SLC35F4: variants seen among roughly 807,000 people sequenced by gnomAD.
SLC35F4 encodes chromosome 14 open reading frame 36.
In SLC35F4, 24 loss-of-function variants were observed where a neutral mutation model predicts 44.2. The observed-to-expected ratio is 0.54, with a 90% confidence interval of 0.39 to 0.76. The LOEUF is 0.76. SLC35F4 is among the 30% of genes least tolerant of loss of function. The pLI, the probability that SLC35F4 is intolerant of heterozygous loss-of-function variation, is 0.00. For missense variants in SLC35F4, 562 were observed against 586.1 expected (o/e 0.96, Z 0.42); for synonymous variants, 238 against 223.6 (o/e 1.06, Z -0.57).
chr14:57,820,489 A>T (rs986335428), intron 1 of SLC35F4, among the ~76,000 whole-genome samples: 3 of 152,250 alleles, frequency 2.0e-5, no homozygotes, highest in Admixed American at 1.3e-4. Context: ...AATGCAAGAC[A>T]CATTTCTCAC....
At chr14:57,573,464 G>C (rs149259434) in intron 4 of SLC35F4, among the ~76,000 whole-genome samples, 3 of 152,264 alleles carry the variant, frequency 2.0e-5, no homozygotes, top group Non-Finnish European at 4.4e-5. Context: ...GTGTGTTCTG[G>C]TTAGACTTGG....
chr14:57,579,618 G>A (rs1464769410), intron 4 of SLC35F4: 1 of 152,108 alleles, frequency 6.6e-6, no homozygotes, highest in African/African-American at 2.4e-5. Context: ...GGCTCTCCAG[G>A]TTCTTATGGG....
At chr14:57,886,375 T>A (rs1404017041) in intron 1 of SLC35F4, among the ~76,000 whole-genome samples, 1 of 152,142 alleles carries the variant, frequency 6.6e-6, no homozygotes, top group Non-Finnish European at 1.5e-5. Flanking sequence ...GCTTCCAAGC[T>A]CACTTAGGTT....
At chr14:57,698,065 A>G (rs919352944) in intron 1 of SLC35F4, among the ~76,000 whole-genome samples, 1 of 152,210 alleles carries the variant, frequency 6.6e-6, no homozygotes, top group Non-Finnish European at 1.5e-5. Flanking sequence ...GGGGATAATA[A>G]TAACAGCACC....
intron 1 of SLC35F4, among the ~76,000 whole-genome samples, chr14:57,855,053 AC>A (rs1359183633): frequency 6.6e-6 from 1 of 152,204 alleles, no homozygotes; most frequent in Non-Finnish European, 1.5e-5. Context: ...AAGTCATAAA[AC>A]TGATTCTATT....
intron 1 of SLC35F4, among the ~76,000 whole-genome samples, chr14:57,707,533 G>A (rs1594846240): frequency 6.6e-6 from 1 of 152,148 alleles, no homozygotes; most frequent in Non-Finnish European, 1.5e-5. Flanking sequence ...TCCCAGCCGT[G>A]AAGAACTATG....
chr14:57,714,382 T>C (rs2075886573), intron 1 of SLC35F4, among the ~76,000 whole-genome samples: 3 of 152,150 alleles, frequency 2.0e-5, no homozygotes, highest in Admixed American at 2.0e-4. Flanking sequence ...CCAGCTAAAA[T>C]GTGTTTTTCC....
chr14:57,673,980 G>A lies in SLC35F4; in HGVS notation c.104-79856C>T, dbSNP rs986809300. 3.9e-4 allele frequency among the ~76,000 whole-genome samples: 60 copies of A among 152,126 alleles called. 1 individual carries two copies. Among genetic ancestry groups the A allele is most frequent in the African/African-American group, 1.4e-3 (58 of 41,448 alleles). The stretch of plus-strand genomic sequence containing the variant: ...TTTGAATAAACACTTTATAAAATAA[G>A]ACATACAAATGACCAGTTATCATAC... On this transcript the variant is annotated intron_variant, in intron 1 of 7. Coordinates refer to ENST00000556826, the MANE Select transcript of SLC35F4 (RefSeq NM_001306087.2).
At chr14:57,843,149 C>T (rs548126008) in intron 1 of SLC35F4, among the ~76,000 whole-genome samples, 1 of 152,298 alleles carries the variant, frequency 6.6e-6, no homozygotes, top group Admixed American at 6.5e-5. Flanking sequence ...TGCTCCTCAG[C>T]TTGCAGATGG....
At chr14:57,606,062 C>T (rs775681159) in intron 1 of SLC35F4, among the ~76,000 whole-genome samples, 12 of 152,272 alleles carry the variant, frequency 7.9e-5, no homozygotes, top group South Asian at 2.1e-4. Flanking sequence ...ACCTCAGCAT[C>T]GTGCTATATA....
At chr14:57,600,945 G>T (rs1049884928) in intron 1 of SLC35F4, among the ~76,000 whole-genome samples, 1 of 151,770 alleles carries the variant, frequency 6.6e-6, no homozygotes, top group African/African-American at 2.4e-5. Flanking sequence ...TTACTGAAAA[G>T]GTTCAGCTTG....
rs190518766 is a variant in SLC35F4 at position 57,583,072 on chromosome 14, G to C, written c.588-1639C>G. Among the ~76,000 whole-genome samples the C allele has an allele frequency of 5.3e-5, 8 of 152,292 alleles. No homozygotes were observed. In the East Asian group the frequency reaches 1.5e-3, roughly 29 times the overall value. On this transcript the variant is annotated intron_variant, in intron 3 of 7. Coordinates refer to ENST00000556826, the MANE Select transcript of SLC35F4 (RefSeq NM_001306087.2). ...AGGCTTCCAAAAAGGAAGGATTTTT[G>C]TAAAATGAAAGTAAGATTTCCCAAA...
chr14:57,650,187 G>T (rs2073728028), intron 1 of SLC35F4, among the ~76,000 whole-genome samples: 1 of 151,856 alleles, frequency 6.6e-6, no homozygotes, highest in Non-Finnish European at 1.5e-5. Context: ...ATCTCATTCG[G>T]GCCTATGGAT....
intron 1 of SLC35F4, among the ~76,000 whole-genome samples, chr14:57,783,357 G>C (rs1440177955): frequency 6.6e-6 from 1 of 151,778 alleles, no homozygotes; most frequent in African/African-American, 2.4e-5. Flanking sequence ...AAGGATAACT[G>C]TCTGAACACG....
chr14:57,581,473 G>A, intron 3 of SLC35F4, 40 bp from the exon 4 acceptor site: 1 of 1,540,526 alleles, frequency 6.5e-7, no homozygotes, highest in South Asian at 1.2e-5. Flanking sequence ...GGTACTGATG[G>A]TGACACCTCT....
chr14:57,824,735 A>G (rs1425979728), intron 1 of SLC35F4, among the ~76,000 whole-genome samples: 3 of 152,196 alleles, frequency 2.0e-5, no homozygotes, highest in Non-Finnish European at 2.9e-5. Context: ...TTTTAGAAAG[A>G]GTACAAGGTC....
intron 1 of SLC35F4, chr14:57,629,839 A>C: frequency 1.2e-5 from 4 of 334,312 alleles, no homozygotes; most frequent in South Asian, 2.5e-5. Flanking sequence ...GAGGATCGGC[A>C]GCCGGAGATG....
intron 1 of SLC35F4, among the ~76,000 whole-genome samples, chr14:57,925,674 C>T (rs1889556248): frequency 6.7e-6 from 1 of 150,152 alleles, no homozygotes; most frequent in Admixed American, 6.6e-5. Context: ...GGCAGAATAG[C>T]ATTTATTCAC....
chr14:57,952,460 C>T (rs1197055077), intron 1 of SLC35F4, among the ~76,000 whole-genome samples: 1 of 151,948 alleles, frequency 6.6e-6, no homozygotes, highest in East Asian at 1.9e-4. Flanking sequence ...CAGAAGTAGG[C>T]TTCAGAAGAT....
Sources: allele counts gnomAD v4.1 joint callset (sites outside exome capture counted in the v4.1 genomes callset), GRCh38; gene constraint gnomAD v4.1.1; transcripts MANE v1.5; gene names NCBI Gene and HGNC (gene_info 2026-07-23, HGNC 2026-07-21).